Variants in SLC35F4 observed in about 807,000 individuals in gnomAD.
SLC35F4 encodes chromosome 14 open reading frame 36.
Under a neutral mutation model 44.2 loss-of-function variants are expected in SLC35F4, and 24 were observed. That is an observed-to-expected ratio of 0.54 (90% CI 0.39 to 0.76). The LOEUF is 0.76. SLC35F4 is among the 30% of genes least tolerant of loss of function. SLC35F4 has a pLI of 0.00. For synonymous variants in SLC35F4, 238 were observed against 223.6 expected (o/e 1.06, Z -0.57); for missense variants, 562 against 586.1 (o/e 0.96, Z 0.42).
At chr14:57,644,254 T>G (rs1368854355) in intron 1 of SLC35F4, among the ~76,000 whole-genome samples, 1 of 152,186 alleles carries the variant, frequency 6.6e-6, no homozygotes, top group Non-Finnish European at 1.5e-5. Flanking sequence ...AGTGTTCCTA[T>G]TTCTCCACAT....
chr14:57,574,016 A>G (rs529692303), intron 4 of SLC35F4, among the ~76,000 whole-genome samples: 1 of 152,304 alleles, frequency 6.6e-6, no homozygotes, highest in African/African-American at 2.4e-5. Flanking sequence ...GGTTTAGGCA[A>G]TTACACACTG....
chr14:57,942,282 G>T (rs1352166701), intron 1 of SLC35F4, among the ~76,000 whole-genome samples: 1 of 152,126 alleles, frequency 6.6e-6, no homozygotes, highest in Non-Finnish European at 1.5e-5. Context: ...TAGACCAGGT[G>T]AATAAATCAT....
At chr14:57,960,441 T>C (rs1373796918) in intron 1 of SLC35F4, among the ~76,000 whole-genome samples, 1 of 152,226 alleles carries the variant, frequency 6.6e-6, no homozygotes, top group East Asian at 1.9e-4. Flanking sequence ...CCCCAAGCAT[T>C]TCTTAATTTC....
At chr14:57,685,612 T>TA (rs1365478141) in intron 1 of SLC35F4, among the ~76,000 whole-genome samples, 1 of 152,198 alleles carries the variant, frequency 6.6e-6, no homozygotes, top group East Asian at 1.9e-4. Flanking sequence ...TTTACAGTCC[T>TA]AAACAGAGTC....
At position 57,887,550 on chromosome 14, in the gene SLC35F4, G is replaced by A. The variant is rs1416202636; in HGVS notation, n.282+94363C>T. Among the ~76,000 whole-genome samples, 4 of 152,176 alleles carry A rather than the reference G, an allele frequency of 2.6e-5. No individual in the cohort carries two copies. The South Asian group carries it at 6.2e-4, about 24-fold the overall frequency. ...CTGATGGAGCAACCTTCCTTTGAGT[G>A]ACGAACGTGACCTGCAGAGGTGTCA... On this transcript the variant is annotated intron_variant and non_coding_transcript_variant, in intron 1 of 1. Transcript: ENST00000556568.
intron 1 of SLC35F4, among the ~76,000 whole-genome samples, chr14:57,618,509 G>C (rs1337523486): frequency 1.3e-5 from 2 of 152,202 alleles, no homozygotes; most frequent in Non-Finnish European, 2.9e-5. Flanking sequence ...CTCTGGCCCA[G>C]ATACTGCGCT....
intron 1 of SLC35F4, among the ~76,000 whole-genome samples, chr14:57,883,515 G>A (rs1299901725): frequency 1.3e-5 from 2 of 152,074 alleles, no homozygotes; most frequent in Non-Finnish European, 2.9e-5. Flanking sequence ...GAATTGGGAA[G>A]GACTTAATTT....
At chr14:57,782,983 A>AAAGG (rs1241776846) in intron 1 of SLC35F4, among the ~76,000 whole-genome samples, 2 of 152,134 alleles carry the variant, frequency 1.3e-5, no homozygotes, top group Admixed American at 6.5e-5. Flanking sequence ...CAATTGTAAA[A>AAAGG]AAGGAAGGAA....
intron 1 of SLC35F4, among the ~76,000 whole-genome samples, chr14:57,700,756 C>G (rs2075516887): frequency 6.6e-6 from 1 of 151,856 alleles, no homozygotes; most frequent in African/African-American, 2.4e-5. Context: ...ATACAAAAAT[C>G]TGACCAGGCA....
intron 3 of SLC35F4, among the ~76,000 whole-genome samples, chr14:57,586,737 A>AT: frequency 6.8e-6 from 1 of 146,818 alleles, no homozygotes; most frequent in Admixed American, 6.7e-5. Flanking sequence ...AAAAAAAAAA[A>AT]AAAAAAAAAA....
intron 1 of SLC35F4, among the ~76,000 whole-genome samples, chr14:57,901,836 A>T (rs1889006545): frequency 6.6e-6 from 1 of 152,158 alleles, no homozygotes; most frequent in Non-Finnish European, 1.5e-5. Context: ...CAGATGAGCA[A>T]ACTGTCTCAG....
chr14:57,886,208 T>C (rs1043596101), intron 1 of SLC35F4, among the ~76,000 whole-genome samples: 4 of 152,196 alleles, frequency 2.6e-5, no homozygotes, highest in African/African-American at 9.6e-5. Flanking sequence ...ACCATAAGCA[T>C]TGTAGCTTAA....
intron 1 of SLC35F4, among the ~76,000 whole-genome samples, chr14:57,660,774 G>A (rs1411233594): frequency 6.6e-6 from 1 of 152,090 alleles, no homozygotes; most frequent in African/African-American, 2.4e-5. Context: ...ACCAACATGA[G>A]TGGGTCTGAA....
intron 1 of SLC35F4, among the ~76,000 whole-genome samples, chr14:57,610,785 A>G (rs746973952): frequency 1.3e-5 from 2 of 152,192 alleles, no homozygotes; most frequent in African/African-American, 2.4e-5. Context: ...TATTTACTGA[A>G]TGTATTTACT....
chr14:57,571,804 T>C (rs2068520651), intron 5 of SLC35F4, 90 bp downstream of exon 5: 1 of 1,460,116 alleles, frequency 6.8e-7, no homozygotes, highest in Non-Finnish European at 9.1e-7. Context: ...ATTTTCTTTC[T>C]AATCAATGAT....
At chr14:57,738,314 C>A (rs576835167) in intron 1 of SLC35F4, among the ~76,000 whole-genome samples, 2 of 152,134 alleles carry the variant, frequency 1.3e-5, no homozygotes, top group Non-Finnish European at 2.9e-5. Context: ...GAAGAGAAAT[C>A]GCCAATATTA....
chr14:57,767,275 C>T (rs1170386572), intron 1 of SLC35F4, among the ~76,000 whole-genome samples: 1 of 152,146 alleles, frequency 6.6e-6, no homozygotes, highest in African/African-American at 2.4e-5. Context: ...TCAATAACAG[C>T]AGATTTCAGT....
Position 57,598,439 on chromosome 14 carries a change from C to T in SLC35F4, c.104-4315G>A, listed in dbSNP as rs541704233. Among the ~76,000 whole-genome samples, 5 of 152,092 alleles carry T rather than the reference C, an allele frequency of 3.3e-5. No individual in the cohort carries two copies. The East Asian group carries it at 7.7e-4, about 23-fold the overall frequency. On this transcript the variant is annotated intron_variant, in intron 1 of 7. Coordinates refer to ENST00000556826, the MANE Select transcript of SLC35F4 (RefSeq NM_001306087.2). The stretch of plus-strand genomic sequence containing the variant: ...CCTTGGGTGTTTAGGAACTTCAAAG[C>T]GAAAAGGGAAAAGAACTACAGCCAC...
chr14:57,709,190 CT>C (rs1250099368), intron 1 of SLC35F4, among the ~76,000 whole-genome samples: 2 of 151,972 alleles, frequency 1.3e-5, no homozygotes, highest in Non-Finnish European at 2.9e-5. Flanking sequence ...ACTCCCTTTC[CT>C]GGTCTGCTAA....
Sources: gnomAD v4.1 joint callset for allele counts (sites outside exome capture counted in the v4.1 genomes callset) on GRCh38, gnomAD v4.1.1 for gene constraint, MANE v1.5 for transcripts, NCBI Gene and HGNC (gene_info 2026-07-23, HGNC 2026-07-21) for gene names.